The following CHL1 variants were observed in gnomAD, a reference collection of about 807,000 sequenced individuals.
CHL1 encodes neural cell adhesion molecule L1-like protein.
In CHL1, 96 loss-of-function variants were observed where a neutral mutation model predicts 141.9. The observed-to-expected ratio is 0.68, with a 90% CI of 0.57 to 0.80. The LOEUF (loss-of-function observed/expected upper bound fraction) is 0.80, where lower values mean the gene tolerates loss of function less well. CHL1 is among the 30% of genes least tolerant of loss of function. The pLI is 0.00. For missense variants in CHL1, 1,820 were observed against 1,457.2 expected, an observed-to-expected ratio of 1.25 and a Z score of -4.05; for synonymous variants, 613 against 502.2, an observed-to-expected ratio of 1.22 and a Z score of -2.95.
At chr3:328,041 T>C (rs1701143748) in intron 4 of CHL1, 126 bp from the exon 5 acceptor site, 1 of 577,456 alleles carries the variant, frequency 1.7e-6, no homozygotes, top group African/African-American at 1.9e-5. Flanking sequence ...TCCTGTTATA[T>C]TCCATTAAGT....
intron 1 of CHL1, among the ~76,000 whole-genome samples, chr3:238,233 T>C (rs1460274469): frequency 1.3e-5 from 2 of 152,124 alleles, no homozygotes; most frequent in Non-Finnish European, 2.9e-5. Flanking sequence ...CAAGAACTGA[T>C]TCCTTTCGGG....
intron 11 of CHL1, among the ~76,000 whole-genome samples, chr3:357,996 T>C (rs958955548): frequency 5.9e-5 from 9 of 152,204 alleles, no homozygotes; most frequent in Admixed American, 3.9e-4. Flanking sequence ...TTGGAAGAGC[T>C]ACTCATCTTG....
intron 2 of CHL1, chr3:247,738 G>C (rs1218576457): frequency 6.6e-6 from 1 of 151,996 alleles, no homozygotes; most frequent in South Asian, 2.1e-4. Context: ...TAGCCAAGTG[G>C]GACCCTGGTC....
At chr3:373,264 C>T (rs1705877453) in intron 15 of CHL1, among the ~76,000 whole-genome samples, 1 of 152,196 alleles carries the variant, frequency 6.6e-6, no homozygotes, top group Admixed American at 6.5e-5. Flanking sequence ...GGGCTCAGGC[C>T]CAGGGAGATC....
intron 15 of CHL1, among the ~76,000 whole-genome samples, chr3:373,299 C>G (rs753835017): frequency 2.6e-5 from 4 of 152,218 alleles, no homozygotes; most frequent in Non-Finnish European, 4.4e-5. Context: ...GAGCCTCTGG[C>G]TGGAGTTATT....
intron 12 of CHL1, among the ~76,000 whole-genome samples, chr3:361,425 T>C (rs921914994): frequency 6.9e-6 from 1 of 145,096 alleles, no homozygotes; most frequent in Non-Finnish European, 1.5e-5. Context: ...ACCATCAGAG[T>C]GAACAGGCAA....
intron 15 of CHL1, among the ~76,000 whole-genome samples, chr3:376,944 T>G (rs899135608): frequency 1.3e-5 from 2 of 152,168 alleles, no homozygotes; most frequent in African/African-American, 2.4e-5. Context: ...TTAAAGTAGG[T>G]TTATATAATT....
rs558348809 is a variant in CHL1, at chr3:321,423, C to A, written c.91+1556C>A. Among the ~76,000 whole-genome samples the A allele has an allele frequency of 5.9e-5, 9 of 152,140 alleles. No homozygotes were observed. The South Asian group carries it at 1.7e-3, about 28-fold the overall frequency. Reference sequence around the variant, plus strand: ...AAATTCTGGTCGGGAGTCTAAAGTACCTTCATCTTTAGTGAATTCTTTTGC... The same window carrying A: ...AAATTCTGGTCGGGAGTCTAAAGTAACTTCATCTTTAGTGAATTCTTTTGC... On this transcript the variant is annotated intron_variant, in intron 3 of 27. Coordinates refer to ENST00000256509, the MANE Select transcript of CHL1 (RefSeq NM_006614.4).
chr3:370,594 T>A (rs2125322372), intron 15 of CHL1, among the ~76,000 whole-genome samples: 1 of 152,082 alleles, frequency 6.6e-6, no homozygotes, highest in African/African-American at 2.4e-5. Flanking sequence ...TTTTCATATC[T>A]CTGTCTCCTT....
chr3:266,389 G>T (rs1298683618), intron 2 of CHL1, among the ~76,000 whole-genome samples: 1 of 152,164 alleles, frequency 6.6e-6, no homozygotes, highest in Non-Finnish European at 1.5e-5. Flanking sequence ...GAAGCAACCT[G>T]GTTAGAAGGG....
intron 5 of CHL1, among the ~76,000 whole-genome samples, chr3:332,165 A>G (rs1166641826): frequency 1.3e-5 from 2 of 152,228 alleles, no homozygotes; most frequent in African/African-American, 2.4e-5. Context: ...AAAATACAGC[A>G]GTCCACTCAA....
chr3:219,586 G>T (rs1230159654), intron 1 of CHL1, among the ~76,000 whole-genome samples: 3 of 152,172 alleles, frequency 2.0e-5, no homozygotes, highest in African/African-American at 7.2e-5. Flanking sequence ...ACTAATGCAG[G>T]ACCTAATGCA....
chr3:382,027 C>T (rs1707102029), intron 16 of CHL1, 152 bp from the exon 17 acceptor site: 3 of 487,684 alleles, frequency 6.2e-6, no homozygotes, highest in East Asian at 7.6e-5. Context: ...TCCACCTTTC[C>T]CTTCCATATG....
intron 2 of CHL1, among the ~76,000 whole-genome samples, chr3:301,906 C>T (rs1178104799): frequency 1.3e-5 from 2 of 152,130 alleles, no homozygotes; most frequent in Non-Finnish European, 2.9e-5. Flanking sequence ...CCCAGCACCG[C>T]ACCGCCAACA....
chr3:308,622 T>A (rs1699455452), intron 2 of CHL1: 1 of 149,740 alleles, frequency 6.7e-6, no homozygotes, highest in East Asian at 1.9e-4. Flanking sequence ...ATATATGTTA[T>A]AATAATATGC....
rs1279181728 is a variant in CHL1 at position 360,439 on chromosome 3, G to T, written c.1306+15G>T. ...TGATGTTGTGGGTGAGTGTGCCTGG[G>T]AGCTGACTTAACATGCTATTTTCCT... On this transcript the variant is annotated intron_variant, in intron 12 of 27. Transcript: ENST00000256509. The T allele has an allele frequency of 6.2e-7, 1 of 1,612,444 alleles. No homozygotes were observed. The highest frequency in any genetic ancestry group is 1.3e-5 in the African/African-American group (1 of 74,922).
intron 5 of CHL1, among the ~76,000 whole-genome samples, chr3:334,775 G>C (rs1424011926): frequency 6.6e-6 from 1 of 152,072 alleles, no homozygotes; most frequent in Non-Finnish European, 1.5e-5. Flanking sequence ...TGTACTGTTA[G>C]GGACAGTCTA....
At chr3:253,112 T>C (rs1693849619) in intron 2 of CHL1, among the ~76,000 whole-genome samples, 1 of 152,166 alleles carries the variant, frequency 6.6e-6, no homozygotes, top group Non-Finnish European at 1.5e-5. Context: ...TTCTCATCAG[T>C]AAAGAGGAGA....
chr3:372,107 T>A (rs1477085370), intron 15 of CHL1, among the ~76,000 whole-genome samples: 6 of 152,048 alleles, frequency 3.9e-5, no homozygotes, highest in African/African-American at 1.4e-4. Flanking sequence ...TCTCATGGAG[T>A]ATCTTAGTGG....
Sources: gnomAD v4.1 joint callset for allele counts (sites outside exome capture counted in the v4.1 genomes callset) on GRCh38, gnomAD v4.1.1 for gene constraint, MANE v1.5 for transcripts, NCBI Gene and HGNC (gene_info 2026-07-23, HGNC 2026-07-21) for gene names.